MVB12B: variants seen among roughly 807,000 people sequenced by gnomAD.
MVB12B encodes the protein multivesicular body subunit 12B.
MVB12B carries 16 observed loss-of-function variants against 41.6 expected under a neutral mutation model. That is an observed-to-expected ratio of 0.38 (90% CI 0.26 to 0.58). The LOEUF (loss-of-function observed/expected upper bound fraction) is 0.58. Ranked by LOEUF, MVB12B falls within the 20% of genes least tolerant of loss-of-function variation. MVB12B has a pLI of 0.62. For synonymous variants in MVB12B, 133 were observed against 139.7 expected, an observed-to-expected ratio of 0.95 and a Z score of 0.34; for missense variants, 274 against 380.2, an observed-to-expected ratio of 0.72 and a Z score of 2.32.
chr9:126,341,446 T>C (rs1452655718), intron 2 of MVB12B, among the ~76,000 whole-genome samples: 1 of 152,250 alleles, frequency 6.6e-6, no homozygotes, highest in Non-Finnish European at 1.5e-5. Flanking sequence ...ACTTTGTTTG[T>C]GACGTTTTGT....
intron 6 of MVB12B, chr9:126,408,228 G>A (rs1831505644): frequency 6.6e-6 from 1 of 152,172 alleles, no homozygotes; most frequent in Non-Finnish European, 1.5e-5. Flanking sequence ...GCAGTGTTGT[G>A]AATATGTCAT....
At chr9:126,431,137 T>G (rs1439401122) in intron 7 of MVB12B, among the ~76,000 whole-genome samples, 1 of 152,240 alleles carries the variant, frequency 6.6e-6, no homozygotes, top group Non-Finnish European at 1.5e-5. Context: ...TATATAATTT[T>G]GATATATAAG....
intron 7 of MVB12B, among the ~76,000 whole-genome samples, chr9:126,427,914 G>T (rs1279128639): frequency 6.6e-6 from 1 of 151,990 alleles, no homozygotes; most frequent in African/African-American, 2.4e-5. Flanking sequence ...TATCCTGGCA[G>T]ACTGGGGTGT....
At chr9:126,410,656 C>T (rs1831618504) in intron 6 of MVB12B, among the ~76,000 whole-genome samples, 1 of 152,142 alleles carries the variant, frequency 6.6e-6, no homozygotes, top group Non-Finnish European at 1.5e-5. Flanking sequence ...CATTTCCTAC[C>T]TCTCTGACTC....
intron 3 of MVB12B, among the ~76,000 whole-genome samples, chr9:126,383,816 G>T (rs2118971860): frequency 6.6e-6 from 1 of 152,094 alleles, no homozygotes; most frequent in Non-Finnish European, 1.5e-5. Context: ...CTCTGACAGT[G>T]CAGCCTCCCA....
chr9:126,376,389 C>T lies in MVB12B; in HGVS notation c.205-4675C>T. 1 of 693,472 alleles carries T rather than the reference C, an allele frequency of 1.4e-6. No homozygotes were observed. Among genetic ancestry groups the T allele is most frequent in the Non-Finnish European group, 2.2e-6 (1 of 448,064 alleles). 43.0% of individuals were successfully genotyped at this position (693,472 alleles called of 1,614,324 possible). On this transcript the variant is annotated intron_variant, in intron 2 of 9. Coordinates refer to ENST00000361171, the MANE Select transcript of MVB12B (RefSeq NM_033446.3). This position sits in a 1 kb window ranked among gnomAD's most constrained non-coding sequence, Gnocchi z 4.1. ...TTTTTTCTATTTTGGGCCCTTCTGT[C>T]ATGTCTGAGCCTGTCCCCAGTGCCT...
chr9:126,452,801 T>C (rs1161945384), intron 7 of MVB12B, among the ~76,000 whole-genome samples: 1 of 151,832 alleles, frequency 6.6e-6, no homozygotes, highest in Admixed American at 6.6e-5. Context: ...GGAAGGGAAG[T>C]TCAAGGGTAA....
chr9:126,478,462 A>G lies in MVB12B; in HGVS notation c.758-2907A>G, dbSNP rs1159370048. Among the ~76,000 whole-genome samples, 1 of 152,058 alleles carries G rather than the reference A, an allele frequency of 6.6e-6. No homozygotes were observed. Among genetic ancestry groups the G allele is most frequent in the African/African-American group, 2.4e-5 (1 of 41,426 alleles). On this transcript the variant is annotated intron_variant, in intron 7 of 9. Transcript: ENST00000361171. The surrounding 1 kb of genome is among the most constrained non-coding windows in gnomAD (Gnocchi z 4.2). ...GAGGTGACTCGCACATGCACCTACA[A>G]TAAGAGGAGAGGAGACACGGGCCTG...
At chr9:126,350,117 C>T (rs1829707627) in intron 2 of MVB12B, among the ~76,000 whole-genome samples, 1 of 152,122 alleles carries the variant, frequency 6.6e-6, no homozygotes, top group Admixed American at 6.5e-5. Flanking sequence ...TTTTCATGTG[C>T]TTATTTGCCA....
intron 7 of MVB12B, among the ~76,000 whole-genome samples, chr9:126,456,020 A>C (rs1484633597): frequency 6.7e-6 from 1 of 150,044 alleles, no homozygotes; most frequent in African/African-American, 2.5e-5. Context: ...CCTCCCAAGT[A>C]GCTGGGATCA....
rs544296295 is a variant in MVB12B, at chr9:126,391,095, G to A, written c.410-971G>A. Among the ~76,000 whole-genome samples the A allele has an allele frequency of 3.3e-5, 5 of 152,302 alleles. No homozygotes were observed. Among genetic ancestry groups the A allele is most frequent in the South Asian group, 4.1e-4 (2 of 4,824 alleles). ...ATGGCAGTTGGGGAACTGTGTGACC[G>A]AGGTCCTGGGCCGACGCCAGCAGAG... On this transcript the variant is annotated intron_variant, in intron 4 of 9. Coordinates refer to ENST00000361171, the MANE Select transcript of MVB12B (RefSeq NM_033446.3). This position sits in a 1 kb window ranked among gnomAD's most constrained non-coding sequence, Gnocchi z 4.4.
chr9:126,425,677 T>C (rs911481599), intron 7 of MVB12B, among the ~76,000 whole-genome samples: 5 of 152,260 alleles, frequency 3.3e-5, no homozygotes. Context: ...CAGAGATCAC[T>C]GTCTGTAATT....
chr9:126,343,161 G>T (rs1426306157), intron 2 of MVB12B, among the ~76,000 whole-genome samples: 1 of 152,206 alleles, frequency 6.6e-6, no homozygotes, highest in Non-Finnish European at 1.5e-5. Context: ...AGCCTTCTTA[G>T]GCTAGGGGGC....
chr9:126,472,357 C>G (rs1833331608), intron 7 of MVB12B, among the ~76,000 whole-genome samples: 1 of 151,416 alleles, frequency 6.6e-6, no homozygotes, highest in South Asian at 2.1e-4. Flanking sequence ...AGATTCATGG[C>G]AGAGCTGTCT....
At chr9:126,443,446 C>G (rs1417989107) in intron 7 of MVB12B, among the ~76,000 whole-genome samples, 1 of 152,132 alleles carries the variant, frequency 6.6e-6, no homozygotes, top group African/African-American at 2.4e-5. Context: ...AAGTTTGTTC[C>G]TAGACCAAAC....
At chr9:126,491,850 G>A (rs1323671748) in intron 9 of MVB12B, among the ~76,000 whole-genome samples, 1 of 152,110 alleles carries the variant, frequency 6.6e-6, no homozygotes, top group Non-Finnish European at 1.5e-5. Flanking sequence ...GATATAGCTT[G>A]GGACCACCGC....
chr9:126,442,345 C>A (rs1471283792), intron 7 of MVB12B, among the ~76,000 whole-genome samples: 1 of 152,108 alleles, frequency 6.6e-6, no homozygotes, highest in Non-Finnish European at 1.5e-5. Context: ...TTCCCAAAGC[C>A]ATGTACTCAT....
At position 126,389,904 on chromosome 9, in the gene MVB12B, G is replaced by A. The variant is rs1186163270; in HGVS notation, c.410-2162G>A. Among the ~76,000 whole-genome samples the A allele has an allele frequency of 2.0e-5, 3 of 152,088 alleles. No individual in the cohort carries two copies. The highest frequency in any genetic ancestry group is 4.4e-5 in the Non-Finnish European group (3 of 68,028). ...GTTGTTTCTCTCTGCTCGTAGATCT[G>A]CTCTAGCCCTCAGTTTCTGTGCCTG... On this transcript the variant is annotated intron_variant, in intron 4 of 9. Transcript: ENST00000361171. This position sits in a 1 kb window ranked among gnomAD's most constrained non-coding sequence, Gnocchi z 4.4.
chr9:126,392,059 C>T lies in MVB12B; in HGVS notation c.410-7C>T. ...ACTCATACCTTTTCTATTGTCCTTT[C>T]CTTCAGAGGAAGTGGCTTTTAGGAA... On this transcript the variant is annotated splice_polypyrimidine_tract_variant and splice_region_variant and intron_variant, in intron 4 of 9. Transcript: ENST00000361171. This position sits in a 1 kb window ranked among gnomAD's most constrained non-coding sequence, Gnocchi z 4.8. The T allele has an allele frequency of 1.2e-6, 2 of 1,614,134 alleles. No individual in the cohort carries two copies. Among genetic ancestry groups the T allele is most frequent in the South Asian group, 2.2e-5 (2 of 91,080 alleles).
Sources: gnomAD v4.1 joint callset for allele counts (sites outside exome capture counted in the v4.1 genomes callset) on GRCh38, gnomAD v4.1.1 for gene constraint, Gnocchi (gnomAD v3.1) non-coding constraint, MANE v1.5 for transcripts, NCBI Gene and HGNC (gene_info 2026-07-23, HGNC 2026-07-21) for gene names.